Variants in OTOG observed in about 807,000 individuals in gnomAD.
OTOG encodes otogelin.
OTOG carries 296 observed loss-of-function variants against 313.8 expected under a neutral mutation model. The observed-to-expected ratio is 0.94, with a 90% CI of 0.86 to 1.04. The LOEUF (loss-of-function observed/expected upper bound fraction) is 1.04. OTOG is among the 50% of genes least tolerant of loss of function. The pLI is 0.00. For missense variants in OTOG, 3,948 were observed against 3,840.1 expected (o/e 1.03, Z -0.74); for synonymous variants, 1,533 against 1,554.9 (o/e 0.99, Z 0.33).
At chr11:17,563,506 G>A (rs992063606) in intron 15 of OTOG, among the ~76,000 whole-genome samples, 1 of 152,208 alleles carries the variant, frequency 6.6e-6, no homozygotes, top group East Asian at 1.9e-4. Context: ...GAATGGCCCA[G>A]CCCTGGCTTG....
At chr11:17,633,268 T>G (rs542599225) in intron 42 of OTOG, among the ~76,000 whole-genome samples, 1 of 152,344 alleles carries the variant, frequency 6.6e-6, no homozygotes, top group East Asian at 1.9e-4. Context: ...CAAGAAAGTT[T>G]GAAAACACTG....
At chr11:17,568,597 A>G (rs977878249) in intron 15 of OTOG, among the ~76,000 whole-genome samples, 8 of 152,204 alleles carry the variant, frequency 5.3e-5, no homozygotes, top group Admixed American at 5.2e-4. Flanking sequence ...TGCCTTGCAC[A>G]TAGTTGGTGC....
In OTOG at chr11:17,571,959, A is replaced by G. The variant is rs1045633384; in HGVS notation, c.1956-121A>G. 3.8e-6 allele frequency: 5 copies of G among 1,316,594 alleles called. No individual in the cohort carries two copies. In the African/African-American group the frequency reaches 7.3e-5, roughly 19 times the overall value. The allele number at this position is 1,316,594 out of a possible 1,614,324, so 81.6% of individuals were successfully genotyped here. On this transcript the variant is annotated intron_variant, in intron 17 of 55. Coordinates refer to ENST00000399397, the MANE Select transcript of OTOG (RefSeq NM_001292063.2). ...TGCTCCTCTGAGTGTGTGTATATGGATGTGTAGATTATGACTATGTGTGTG... is the reference window on the plus strand; with the variant it reads ...TGCTCCTCTGAGTGTGTGTATATGGGTGTGTAGATTATGACTATGTGTGTG...
chr11:17,642,012 G>C, intron 52 of OTOG, 61 bp downstream of exon 52: 1 of 1,530,096 alleles, frequency 6.5e-7, no homozygotes, highest in South Asian at 1.2e-5. Context: ...CCAGGACTAG[G>C]GCCCTCTCTG....
intron 8 of OTOG, 69 bp downstream of exon 8, chr11:17,557,392 T>C: frequency 6.9e-7 from 1 of 1,456,048 alleles, no homozygotes; most frequent in Middle Eastern, 1.8e-4. Flanking sequence ...CTGGGAGGGG[T>C]TGGAGGGGAC....
intron 1 of OTOG, 28 bp downstream of exon 1, chr11:17,547,494 CG>C: frequency 6.0e-6 from 8 of 1,324,850 alleles, no homozygotes; most frequent in South Asian, 4.1e-5. Flanking sequence ...TCAGGGAGGT[CG>C]GGGGCTCGAG....
chr11:17,629,708 G>A (rs2133700295), intron 40 of OTOG, among the ~76,000 whole-genome samples: 1 of 152,292 alleles, frequency 6.6e-6, no homozygotes, highest in South Asian at 2.1e-4. Flanking sequence ...CTGAACTAAA[G>A]AAGAAAGGGG....
chr11:17,599,121 G>C (rs1281563251), intron 30 of OTOG, among the ~76,000 whole-genome samples: 2 of 152,306 alleles, frequency 1.3e-5, no homozygotes, highest in South Asian at 2.1e-4. Context: ...TGTGGTGCTG[G>C]GGATGACCAC....
chr11:17,593,890 C>G, intron 27 of OTOG, 134 bp downstream of exon 27: 1 of 1,396,996 alleles, frequency 7.2e-7, no homozygotes, highest in Non-Finnish European at 9.7e-7. Context: ...CTGCTCTGGG[C>G]CCCTTCTCCT....
At chr11:17,602,855 C>G (rs190997221) in intron 32 of OTOG, among the ~76,000 whole-genome samples, 193 of 152,280 alleles carry the variant, frequency 1.3e-3, no homozygotes, top group Non-Finnish European at 1.9e-3. Context: ...GGTCCCTGCC[C>G]ATCAGAAGCC....
chr11:17,619,258 T>C (rs1308442781), intron 39 of OTOG, among the ~76,000 whole-genome samples: 1 of 152,040 alleles, frequency 6.6e-6, no homozygotes, highest in African/African-American at 2.4e-5. Flanking sequence ...GTGACAGGAG[T>C]GAGGCCCTGT....
intron 34 of OTOG, 59 bp downstream of exon 34, chr11:17,608,472 A>G: frequency 8.9e-7 from 1 of 1,118,130 alleles, no homozygotes; most frequent in Non-Finnish European, 1.2e-6. Flanking sequence ...GTGTGTGTGC[A>G]CTCACATACA....
chr11:17,587,650 G>A (rs553621688), intron 24 of OTOG, among the ~76,000 whole-genome samples: 3 of 152,328 alleles, frequency 2.0e-5, no homozygotes, highest in East Asian at 3.9e-4. Flanking sequence ...TCACGGTCAA[G>A]CCCATCTGCT....
intron 33 of OTOG, among the ~76,000 whole-genome samples, chr11:17,607,205 T>A (rs1853410929): frequency 6.6e-6 from 1 of 152,226 alleles, no homozygotes; most frequent in Non-Finnish European, 1.5e-5. Flanking sequence ...TAAGTTAGAC[T>A]TTTGGAAAAG....
Position 17,559,102 on chromosome 11 carries a change from G to A in OTOG, c.1154G>A (p.Arg385Gln), listed in dbSNP as rs1472152666. ...TGCCGGGCACTGGCGGAGTATGCCC[G>A]GGCGTGTGCCCAGGCAGGGCGGCCC... ...TWCRALAEYA[R>Q]ACAQAGRPLQ... The change falls in exon 11 of 56, where the codon CGG becomes CAG. Residue 385 changes from arginine (R) to glutamine (Q), a missense_variant. Arg to Gln is a conservative substitution (Grantham distance 43). Transcript: ENST00000399397. 9 of 1,545,834 alleles carry A rather than the reference G, an allele frequency of 5.8e-6. No homozygotes were observed. The highest frequency in any genetic ancestry group is 2.4e-5 in the East Asian group (1 of 40,912).
At chr11:17,584,550 G>A (rs1565103784) in intron 23 of OTOG, among the ~76,000 whole-genome samples, 1 of 149,754 alleles carries the variant, frequency 6.7e-6, no homozygotes, top group Non-Finnish European at 1.5e-5. Flanking sequence ...TTTTGAAACA[G>A]AGTCTCAATC....
chr11:17,548,058 G>A lies in OTOG; in HGVS notation c.155+71G>A, dbSNP rs1592056614. The A allele has an allele frequency of 6.0e-6, 8 of 1,344,286 alleles. No individual in the cohort carries two copies. The South Asian group carries it at 9.9e-5, about 17-fold the overall frequency. The allele number at this position is 1,344,286 out of a possible 1,614,324, so 83.3% of individuals were successfully genotyped here. A position where few individuals can be genotyped will look rare whatever the true frequency, so the allele number is the denominator to read the frequency against. On this transcript the variant is annotated intron_variant, in intron 2 of 55. Transcript: ENST00000399397. ...GTATTTCTGGCATCAGCGACCCCAG[G>A]GCTTTAGCACTTAGGGTGGGATAGG...
At chr11:17,612,849 C>T in intron 38 of OTOG, 84 bp downstream of exon 38, 2 of 1,441,998 alleles carry the variant, frequency 1.4e-6, no homozygotes, top group Non-Finnish European at 1.9e-6. Flanking sequence ...AGCCAGGGTA[C>T]CAGAGGCAAA....
chr11:17,645,593 GTGACCATCCGCA>G lies in OTOG; in HGVS notation c.8504_8515del (p.Met2835_Arg2838del), dbSNP rs1311733465. The G allele has an allele frequency of 6.4e-6, 10 of 1,550,542 alleles. No homozygotes were observed. The highest frequency in any genetic ancestry group is 4.9e-5 in the East Asian group (2 of 40,934). ...GGAGGATGGGCGCTCCTGCAAGAAGGTGACCATCCGCATGACCATCCGCAAGAATGAATGCAG... is the reference window on the plus strand; with the variant it reads ...GGAGGATGGGCGCTCCTGCAAGAAGGTGACCATCCGCAAGAATGAATGCAG... On this transcript the variant is annotated inframe_deletion, in exon 55 of 56. Transcript: ENST00000399397.
Sources: gnomAD v4.1 joint callset for allele counts (sites outside exome capture counted in the v4.1 genomes callset) on GRCh38, gnomAD v4.1.1 for gene constraint, MANE v1.5 for transcripts, NCBI Gene and HGNC (gene_info 2026-07-23, HGNC 2026-07-21) for gene names.